The following ARHGAP32 variants were observed in gnomAD, a reference collection of about 807,000 sequenced individuals.
The protein encoded by ARHGAP32 is rho GTPase-activating protein 32.
Under a neutral mutation model 186.5 loss-of-function variants are expected in ARHGAP32, and 51 were observed. The observed-to-expected ratio is 0.27, with a 90% confidence interval of 0.22 to 0.35. The LOEUF is 0.35. ARHGAP32 is among the 10% of genes least tolerant of loss of function. The pLI, the probability that ARHGAP32 is intolerant of heterozygous loss-of-function variation, is 1.00. For synonymous variants in ARHGAP32, 950 were observed against 964.3 expected (o/e 0.99, Z 0.27); for missense variants, 2,186 against 2,623.5 (o/e 0.83, Z 3.64).
intron 5 of ARHGAP32, among the ~76,000 whole-genome samples, chr11:129,122,548 CTTTG>C (rs565431377): frequency 1.1e-3 from 162 of 152,162 alleles, no homozygotes; most frequent in Non-Finnish European, 1.8e-3. Flanking sequence ...ACAAAATATC[CTTTG>C]TTTGATGTCA....
At chr11:129,159,647 G>C (rs1342829002) in intron 2 of ARHGAP32, among the ~76,000 whole-genome samples, 11 of 150,846 alleles carry the variant, frequency 7.3e-5, no homozygotes. Flanking sequence ...GAGGTACAAA[G>C]AGAAGCTGGT....
At chr11:129,279,608 G>T (rs1318274786), upstream of ARHGAP32, among the ~76,000 whole-genome samples, 1 of 145,292 alleles carries the variant, frequency 6.9e-6, no homozygotes, top group Non-Finnish European at 1.5e-5. Context: ...TCCTGCACCC[G>T]CGACGCCCGC....
rs75953274 is a variant in ARHGAP32, at chr11:129,057,788, T to C, written c.963+4492A>G. Among the ~76,000 whole-genome samples the C allele has an allele frequency of 9.7e-3, 1,472 of 151,290 alleles. 21 individuals carry two copies. The highest frequency in any genetic ancestry group is 0.028 in the African/African-American group (1,171 of 41,144). ...CATGGATTAACTGCGTATTTAGAGA[T>C]GGGAACTTTTAAAGAGGTAATTAGG... On this transcript the variant is annotated intron_variant, in intron 10 of 22. Transcript: ENST00000682385.
chr11:129,155,847 T>G (rs1469409322), intron 2 of ARHGAP32, among the ~76,000 whole-genome samples: 1 of 151,588 alleles, frequency 6.6e-6, no homozygotes, highest in Non-Finnish European at 1.5e-5. Context: ...AGAAGGCGGG[T>G]GATCTCTGCA....
chr11:129,170,148 T>C (rs769951764), intron 1 of ARHGAP32, among the ~76,000 whole-genome samples: 8 of 151,924 alleles, frequency 5.3e-5, no homozygotes, highest in African/African-American at 1.2e-4. Flanking sequence ...AGCCCTATAA[T>C]TGATCACACT....
chr11:129,045,003 T>A (rs1265612859), intron 10 of ARHGAP32, among the ~76,000 whole-genome samples: 1 of 152,204 alleles, frequency 6.6e-6, no homozygotes, highest in Non-Finnish European at 1.5e-5. Context: ...TTTAAATTCA[T>A]CACAATGAAT....
intron 10 of ARHGAP32, among the ~76,000 whole-genome samples, chr11:129,054,746 C>A (rs7130706): frequency 0.02 from 3,094 of 152,096 alleles, 54 homozygotes; most frequent in African/African-American, 0.045. Context: ...TGATGAAATA[C>A]CTCAGACAAC....
At chr11:129,158,055 T>G (rs1317527453) in intron 2 of ARHGAP32, among the ~76,000 whole-genome samples, 2 of 152,110 alleles carry the variant, frequency 1.3e-5, no homozygotes, top group Admixed American at 6.5e-5. Context: ...AGGCCTGTCT[T>G]ACAAGAACTC....
chr11:129,199,417 C>CA, intron 1 of ARHGAP32, among the ~76,000 whole-genome samples: 1 of 152,388 alleles, frequency 6.6e-6, no homozygotes, highest in East Asian at 1.9e-4. Context: ...CCAGGGCCCC[C>CA]TGCTGTGTGC....
At chr11:128,992,783 G>A (rs1036631224) in intron 12 of ARHGAP32, among the ~76,000 whole-genome samples, 6 of 151,974 alleles carry the variant, frequency 3.9e-5, no homozygotes, top group South Asian at 4.2e-4. Flanking sequence ...GCAAAACTCC[G>A]TATCAAAACA....
chr11:128,978,446 A>G (rs1159421926), intron 19 of ARHGAP32, among the ~76,000 whole-genome samples: 1 of 152,190 alleles, frequency 6.6e-6, no homozygotes. Context: ...GATCTGTAAA[A>G]ATACAGATCA....
At chr11:129,045,683 A>G (rs1336905008) in intron 10 of ARHGAP32, among the ~76,000 whole-genome samples, 2 of 152,234 alleles carry the variant, frequency 1.3e-5, no homozygotes, top group Admixed American at 1.3e-4. Flanking sequence ...ATGATCTATT[A>G]GCTATGTCAT....
At chr11:128,982,001 C>T (rs1032279979) in intron 15 of ARHGAP32, 65 bp from the exon 16 acceptor site, 34 of 1,036,468 alleles carry the variant, frequency 3.3e-5, no homozygotes, top group Middle Eastern at 4.7e-4. Context: ...ACATAAAAGC[C>T]TGCTAATTAA....
chr11:129,276,259 T>C lies in ARHGAP32; in HGVS notation c.-5+2887A>G, dbSNP rs138639914. Among the ~76,000 whole-genome samples, 956 of 152,334 alleles carry C rather than the reference T, an allele frequency of 6.3e-3. 12 individuals are homozygous for C. Among genetic ancestry groups the C allele is most frequent in the African/African-American group, 0.022 (910 of 41,586 alleles). On this transcript the variant is annotated intron_variant, in intron 1 of 6. Transcript: ENST00000525234. ...AAGACAGAGCACAGAATTTTGGAAC[T>C]AGAAGAAATCTAACACGTTCTCATT...
intron 11 of ARHGAP32, among the ~76,000 whole-genome samples, chr11:129,021,939 A>C (rs1938614501): frequency 6.6e-6 from 1 of 152,036 alleles, no homozygotes; most frequent in African/African-American, 2.4e-5. Flanking sequence ...CCTGACACTT[A>C]AAGTATTTTA....
At chr11:129,142,213 C>T (rs1029800026) in intron 2 of ARHGAP32, among the ~76,000 whole-genome samples, 1 of 152,084 alleles carries the variant, frequency 6.6e-6, no homozygotes, top group Admixed American at 6.6e-5. Context: ...CCCCTCTTTC[C>T]GCCCTCCTGT....
chr11:129,063,246 C>A (rs1940574421), intron 9 of ARHGAP32, among the ~76,000 whole-genome samples: 1 of 152,068 alleles, frequency 6.6e-6, no homozygotes, highest in African/African-American at 2.4e-5. Flanking sequence ...TCTTTCTGTA[C>A]AGAACCTAAA....
chr11:128,978,227 G>A (rs1945606154), intron 19 of ARHGAP32, among the ~76,000 whole-genome samples: 1 of 152,060 alleles, frequency 6.6e-6, no homozygotes, highest in Non-Finnish European at 1.5e-5. Context: ...TATCTAAGAA[G>A]TACTACTATC....
At chr11:129,103,726 C>A (rs752003478) in intron 5 of ARHGAP32, among the ~76,000 whole-genome samples, 1 of 151,778 alleles carries the variant, frequency 6.6e-6, no homozygotes, top group Non-Finnish European at 1.5e-5. Context: ...GGGGAGAAGA[C>A]AAAAAGAAAA....
Sources: allele counts gnomAD v4.1 joint callset (sites outside exome capture counted in the v4.1 genomes callset), GRCh38; gene constraint gnomAD v4.1.1; transcripts MANE v1.5; gene names NCBI Gene and HGNC (gene_info 2026-07-23, HGNC 2026-07-21).